The following AOX1 variants were observed in gnomAD, a reference collection of about 807,000 sequenced individuals.
The protein encoded by AOX1 is aldehyde oxidase 1.
A neutral mutation model predicts 169.5 loss-of-function variants in AOX1; 153 were observed. The observed-to-expected ratio is 0.90, with a 90% CI of 0.79 to 1.03. AOX1 has a LOEUF of 1.03. AOX1 is among the 50% of genes least tolerant of loss of function. The probability of loss-of-function intolerance (pLI) is 0.00; values close to 1 mark genes in which losing one functional copy is unlikely to be tolerated. For missense variants in AOX1, 1,656 were observed against 1,663.9 expected (o/e 1.00, Z 0.08); for synonymous variants, 562 against 581.9 (o/e 0.97, Z 0.49).
At chr2:200,639,640 A>C (rs1170740655) in intron 23 of AOX1, among the ~76,000 whole-genome samples, 1 of 152,186 alleles carries the variant, frequency 6.6e-6, no homozygotes, top group Admixed American at 6.5e-5. Flanking sequence ...ACATATATGA[A>C]GTCATTATGA....
In AOX1 at chr2:200,654,278, A is replaced by T. The variant is rs111291034; in HGVS notation, c.3076-2564A>T. On this transcript the variant is annotated intron_variant, in intron 26 of 34. Coordinates refer to ENST00000374700, the MANE Select transcript of AOX1 (RefSeq NM_001159.4). ...ACTACCTCCTCAATCGTCAGCAACC[A>T]CCACCCTGGTTAGTCAGCAGCCATC... Among the ~76,000 whole-genome samples, 426 of 149,920 alleles carry T rather than the reference A, an allele frequency of 2.8e-3. 1 individual carries two copies. Among genetic ancestry groups the T allele is most frequent in the African/African-American group, 9.9e-3 (406 of 40,914 alleles).
At position 200,651,049 on chromosome 2, in the gene AOX1, C is replaced by T. The variant is rs771530428; in HGVS notation, c.2923C>T (p.Gln975Ter). The stretch of plus-strand genomic sequence containing the variant: ...AGAGATCAATGCCAAGAACCTAATC[C>T]AGTGTTGGAGAGAATGTATGGCCAT... ...KQEINAKNLI[Q>*]CWRECMAMSS... Residue 975 changes from glutamine (Q) to a stop codon, truncating the protein, a stop_gained, in exon 26 of 35, where the codon CAG becomes TAG. Coordinates refer to ENST00000374700, the MANE Select transcript of AOX1 (RefSeq NM_001159.4). LOFTEE classifies it high-confidence loss of function. The T allele has an allele frequency of 1.9e-6, 3 of 1,614,192 alleles. No homozygotes were observed. Among genetic ancestry groups the T allele is most frequent in the Non-Finnish European group, 2.5e-6 (3 of 1,180,022 alleles).
intron 4 of AOX1, among the ~76,000 whole-genome samples, chr2:200,598,978 G>A (rs1004581275): frequency 1.3e-5 from 2 of 152,024 alleles, no homozygotes; most frequent in Non-Finnish European, 2.9e-5. Context: ...CTGCCTGGAT[G>A]CCCATGTGAG....
At chr2:200,633,853 A>G (rs993342499) in intron 20 of AOX1, among the ~76,000 whole-genome samples, 12 of 152,190 alleles carry the variant, frequency 7.9e-5, no homozygotes, top group Non-Finnish European at 1.2e-4. Flanking sequence ...CTGTTTCACT[A>G]GAGTACTTTA....
At chr2:200,608,766 C>G (rs2034568489) in intron 10 of AOX1, among the ~76,000 whole-genome samples, 1 of 152,124 alleles carries the variant, frequency 6.6e-6, no homozygotes, top group Middle Eastern at 3.2e-3. Context: ...CACACCACCC[C>G]CTCAACTGCT....
rs920310235 is a variant in AOX1 at position 200,642,542 on chromosome 2, G to T, written c.2656-68G>T. 4 of 1,449,502 alleles carry T rather than the reference G, an allele frequency of 2.8e-6. No individual in the cohort carries two copies. The African/African-American group carries it at 4.3e-5, about 15-fold the overall frequency. The allele number at this position is 1,449,502 out of a possible 1,614,324, so 89.8% of individuals were successfully genotyped here. A position where few individuals can be genotyped will look rare whatever the true frequency, so the allele number is the denominator to read the frequency against. On this transcript the variant is annotated intron_variant, in intron 24 of 34. Transcript: ENST00000374700. ...AGCTGCCATTTTCGGCCTGGTTTTG[G>T]TCTGAGGTCGTAGGATGGTGAAACA...
chr2:200,607,522 G>T (rs1356901756), intron 10 of AOX1, among the ~76,000 whole-genome samples: 2 of 152,188 alleles, frequency 1.3e-5, no homozygotes, highest in African/African-American at 4.8e-5. Context: ...GTTGGTAGGG[G>T]TGTAAATTAA....
Position 200,586,103 on chromosome 2 carries a change from A to G in AOX1, c.-6A>G, listed in dbSNP as rs772584538. The G allele has an allele frequency of 5.8e-6, 9 of 1,556,640 alleles. No homozygotes were observed. Among genetic ancestry groups the G allele is most frequent in the Admixed American group, 1.9e-5 (1 of 52,274 alleles). On this transcript the variant is annotated 5_prime_UTR_variant, in exon 1 of 35. Coordinates refer to ENST00000374700, the MANE Select transcript of AOX1 (RefSeq NM_001159.4). ...TCCGGGCCCTCGAACCAGCGCGGACACCACAATGGACCGGGCGTCCGAGCT... is the reference window on the plus strand; with the variant it reads ...TCCGGGCCCTCGAACCAGCGCGGACGCCACAATGGACCGGGCGTCCGAGCT...
chr2:200,657,190 A>ATATTTTTTT, intron 27 of AOX1, among the ~76,000 whole-genome samples: 9 of 62,882 alleles, frequency 1.4e-4, no homozygotes, highest in African/African-American at 7.1e-4. Flanking sequence ...ATATATATAT[A>ATATTTTTTT]TTTTTTTTTT....
chr2:200,591,326 G>A (rs2034167376), intron 1 of AOX1, among the ~76,000 whole-genome samples: 1 of 152,218 alleles, frequency 6.6e-6, no homozygotes, highest in Non-Finnish European at 1.5e-5. Context: ...GAACAAAGAG[G>A]AGGATGGTTA....
chr2:200,611,318 C>A, intron 12 of AOX1, 66 bp from the exon 13 acceptor site: 1 of 1,133,538 alleles, frequency 8.8e-7, no homozygotes, highest in Non-Finnish European at 1.3e-6. Flanking sequence ...GAATTACTTC[C>A]TAAGTTTTGG....
At chr2:200,593,383 G>A (rs138422178) in intron 2 of AOX1, among the ~76,000 whole-genome samples, 180 bp downstream of exon 2, 66 of 152,268 alleles carry the variant, frequency 4.3e-4, no homozygotes, top group Middle Eastern at 6.8e-3. Flanking sequence ...AAATGTGGCC[G>A]TCAGAAGAAC....
chr2:200,593,295 GAC>G (rs1401378446), intron 2 of AOX1, 92 bp downstream of exon 2: 7 of 1,013,560 alleles, frequency 6.9e-6, no homozygotes, highest in Non-Finnish European at 1.1e-5. Flanking sequence ...ATACATTAGA[GAC>G]ACTGAGACAT....
chr2:200,654,360 A>G (rs549500510), intron 26 of AOX1, among the ~76,000 whole-genome samples: 55 of 152,212 alleles, frequency 3.6e-4, no homozygotes, highest in Non-Finnish European at 6.6e-4. Context: ...GAAGGCTCAG[A>G]TGGTTGTTAG....
At chr2:200,617,884 A>G (rs1253681220) in intron 16 of AOX1, among the ~76,000 whole-genome samples, 1 of 152,182 alleles carries the variant, frequency 6.6e-6, no homozygotes, top group Admixed American at 6.6e-5. Context: ...ACCATCTGCA[A>G]CATATGAAAA....
chr2:200,613,588 G>A (rs1309113392), intron 14 of AOX1, among the ~76,000 whole-genome samples: 1 of 152,190 alleles, frequency 6.6e-6, no homozygotes, highest in African/African-American at 2.4e-5. Flanking sequence ...CATTCTGTGA[G>A]TTGGGTTCTA....
intron 20 of AOX1, among the ~76,000 whole-genome samples, chr2:200,632,854 G>T (rs980446589): frequency 1.3e-5 from 2 of 151,442 alleles, no homozygotes; most frequent in African/African-American, 4.8e-5. Flanking sequence ...GGTTCCTGAA[G>T]AGAAATCTAC....
At chr2:200,604,546 C>T (rs988281378) in intron 8 of AOX1, 150 bp from the exon 9 acceptor site, 4 of 836,492 alleles carry the variant, frequency 4.8e-6, no homozygotes, top group Non-Finnish European at 7.4e-6. Context: ...ATTCTAATTC[C>T]TTGTAAAGCT....
intron 19 of AOX1, among the ~76,000 whole-genome samples, chr2:200,625,209 T>A (rs2034975657): frequency 6.6e-6 from 1 of 152,200 alleles, no homozygotes; most frequent in Non-Finnish European, 1.5e-5. Context: ...CAGGCCCTTT[T>A]CATTTACATG....
Sources: allele counts gnomAD v4.1 joint callset (sites outside exome capture counted in the v4.1 genomes callset), GRCh38; gene constraint gnomAD v4.1.1; transcripts MANE v1.5; gene names NCBI Gene and HGNC (gene_info 2026-07-23, HGNC 2026-07-21).